The following SNX25 variants were observed in gnomAD, a reference collection of about 807,000 sequenced individuals.
The protein encoded by SNX25 is sorting nexin-25.
In SNX25, 62 loss-of-function variants were observed where a neutral mutation model predicts 113.7. That is an observed-to-expected ratio of 0.55 (90% confidence interval 0.44 to 0.67). SNX25 has a LOEUF of 0.67. Ranked by LOEUF, SNX25 falls within the 30% of genes least tolerant of loss-of-function variation. The pLI is 0.00. For missense variants in SNX25, 1,014 were observed against 1,161.0 expected (o/e 0.87, Z 1.84); for synonymous variants, 421 against 436.2 (o/e 0.97, Z 0.43).
chr4:185,374,847 C>G (rs2095427783), downstream of SNX25, among the ~76,000 whole-genome samples: 1 of 152,166 alleles, frequency 6.6e-6, no homozygotes, highest in African/African-American at 2.4e-5. Flanking sequence ...ACAGCTTTCA[C>G]ATTTATAATT....
chr4:185,214,394 C>CAAAA, intron 1 of SNX25, among the ~76,000 whole-genome samples: 1 of 122,338 alleles, frequency 8.2e-6, no homozygotes, highest in Non-Finnish European at 1.7e-5. Flanking sequence ...CCATCTCTAC[C>CAAAA]AAAAAAAAAA....
chr4:185,282,024 TAAATAA>T lies in SNX25; in HGVS notation c.1092-5977_1092-5972del, dbSNP rs1750658724. On this transcript the variant is annotated intron_variant, in intron 5 of 18. Transcript: ENST00000652585. ...GAGCGAGACTCCATCTCAAAATAAA[TAAATAA>T]AAATAAAAATTCTTTGGTTTTTCAT... Among the ~76,000 whole-genome samples the T allele has an allele frequency of 3.3e-5, 5 of 151,974 alleles. No individual in the cohort carries two copies. In the South Asian group the frequency reaches 1.0e-3, roughly 32 times the overall value.
rs138135304 is a variant in SNX25 at position 185,318,899 on chromosome 4, C to T, written c.1345-1834C>T. ...CAGGAAGCTGTCTTTCCTTTTGTTC[C>T]TCAGCAGAAGCTACAGATAGAAGGT... On this transcript the variant is annotated intron_variant, in intron 7 of 18. Coordinates refer to ENST00000652585, the MANE Select transcript of SNX25 (RefSeq NM_001378034.2). Among the ~76,000 whole-genome samples, 1,266 of 152,180 alleles carry T rather than the reference C, an allele frequency of 8.3e-3. 14 individuals carry two copies. The highest frequency in any genetic ancestry group is 0.029 in the African/African-American group (1,204 of 41,510).
chr4:185,308,646 A>C (rs1754821076), intron 6 of SNX25, among the ~76,000 whole-genome samples: 1 of 152,214 alleles, frequency 6.6e-6, no homozygotes, highest in South Asian at 2.1e-4. Context: ...CTTTGCTGCC[A>C]GGCACTGTTG....
chr4:185,292,399 T>A (rs921883667), intron 6 of SNX25, among the ~76,000 whole-genome samples: 1 of 152,018 alleles, frequency 6.6e-6, no homozygotes, highest in South Asian at 2.1e-4. Context: ...TTTATTTGTT[T>A]GTTTGTTTGT....
intron 5 of SNX25, among the ~76,000 whole-genome samples, chr4:185,282,024 T>C (rs543075275): frequency 6.6e-6 from 1 of 152,088 alleles, no homozygotes; most frequent in South Asian, 2.1e-4. Flanking sequence ...TCAAAATAAA[T>C]AAATAAAAAT....
At chr4:185,241,511 A>AGAGGGAGAGGGAAAG (rs1744013235) in intron 1 of SNX25, among the ~76,000 whole-genome samples, 13 of 19,074 alleles carry the variant, frequency 6.8e-4, no homozygotes, top group African/African-American at 2.5e-3. Context: ...GACCGTGGGG[A>AGAGGGAGAGGGAAAG]GAGGGAGAGG....
chr4:185,240,382 G>A (rs1212353310), intron 1 of SNX25, among the ~76,000 whole-genome samples: 2 of 150,062 alleles, frequency 1.3e-5, no homozygotes, highest in African/African-American at 4.9e-5. Context: ...CGGGGCGGCT[G>A]GCCGGGCGGG....
chr4:185,283,420 G>A (rs1285476417), intron 5 of SNX25, among the ~76,000 whole-genome samples: 2 of 152,172 alleles, frequency 1.3e-5, no homozygotes, highest in Non-Finnish European at 2.9e-5. Context: ...CTGTTAAGGA[G>A]AAGGAGAAAT....
chr4:185,323,708 C>T lies in SNX25; in HGVS notation c.1657C>T (p.Pro553Ser). 6.2e-7 allele frequency: 1 copy of T among 1,613,518 alleles called. No individual in the cohort carries two copies. The highest frequency in any genetic ancestry group is 8.5e-7 in the Non-Finnish European group (1 of 1,179,730). ...TGAGACCCTAAAGGATAGGTATTAC[C>T]CTTCATTTATTGTCAGTGACCTGTA... ...VYETLKDRYY[P>S]SFIVSDLYEK... Residue 553 changes from proline (P) to serine (S), a missense_variant, in exon 9 of 19, where the codon CCT becomes TCT. Transcript: ENST00000652585.
chr4:185,248,896 A>G (rs1406735594), intron 2 of SNX25, among the ~76,000 whole-genome samples: 1 of 152,192 alleles, frequency 6.6e-6, no homozygotes, highest in Non-Finnish European at 1.5e-5. Flanking sequence ...CTTTATGGAA[A>G]TGGAACCATA....
At chr4:185,206,956 G>A (rs963221003), upstream of SNX25, among the ~76,000 whole-genome samples, 5 of 152,088 alleles carry the variant, frequency 3.3e-5, no homozygotes, top group African/African-American at 1.2e-4. Flanking sequence ...GAGTCTCAAC[G>A]CCAGAGCCTG....
intron 6 of SNX25, among the ~76,000 whole-genome samples, chr4:185,293,870 C>T (rs746113157): frequency 9.2e-5 from 14 of 152,034 alleles, no homozygotes; most frequent in East Asian, 7.7e-4. Flanking sequence ...AAAACACGAT[C>T]GTTTATAAAC....
At chr4:185,274,858 A>G (rs1749434856) in intron 5 of SNX25, among the ~76,000 whole-genome samples, 1 of 152,192 alleles carries the variant, frequency 6.6e-6, no homozygotes, top group African/African-American at 2.4e-5. Flanking sequence ...CCAGGATCCC[A>G]TAGATAATAA....
intron 2 of SNX25, among the ~76,000 whole-genome samples, chr4:185,249,482 T>G (rs2126492337): frequency 6.7e-6 from 1 of 149,296 alleles, no homozygotes; most frequent in Admixed American, 6.7e-5. Flanking sequence ...TTATTTATAG[T>G]TTTTAAAATA....
At chr4:185,312,084 C>G (rs551847831) in intron 7 of SNX25, among the ~76,000 whole-genome samples, 1 of 152,138 alleles carries the variant, frequency 6.6e-6, no homozygotes, top group African/African-American at 2.4e-5. Context: ...TCCTCATTAG[C>G]TTTTTGGTTT....
intron 5 of SNX25, among the ~76,000 whole-genome samples, chr4:185,279,100 A>C (rs1750180551): frequency 6.6e-6 from 1 of 151,514 alleles, no homozygotes; most frequent in Non-Finnish European, 1.5e-5. Flanking sequence ...ATTTATACTT[A>C]ATATATTTCC....
rs530630573 is a variant in SNX25 at position 185,362,523 on chromosome 4, G to A, written c.2834-88G>A. ...TGCCTCCATGTGTTTATTGACTGAA[G>A]GTGTATAATGTTGTATTCCTTTCAC... On this transcript the variant is annotated intron_variant, in intron 17 of 18. Coordinates refer to ENST00000652585, the MANE Select transcript of SNX25 (RefSeq NM_001378034.2). The A allele has an allele frequency of 8.3e-5, 107 of 1,283,414 alleles. No individual in the cohort carries two copies. In the East Asian group the frequency reaches 2.4e-3, roughly 28 times the overall value. 79.5% of individuals were successfully genotyped at this position (1,283,414 alleles called of 1,614,324 possible).
rs146663912 is a variant in SNX25, at chr4:185,315,887, T to C, written c.1345-4846T>C. The stretch of plus-strand genomic sequence containing the variant: ...CTTAGTATAATCATTGTCTACTTCA[T>C]TTCTTTGCAATGCTATTATTAAGGC... On this transcript the variant is annotated intron_variant, in intron 7 of 18. Transcript: ENST00000652585. Among the ~76,000 whole-genome samples the C allele has an allele frequency of 7.7e-3, 1,172 of 152,364 alleles. 8 individuals are homozygous for C. Among genetic ancestry groups the C allele is most frequent in the Non-Finnish European group, 0.012 (830 of 68,036 alleles).
Sources: gnomAD v4.1 joint callset for allele counts (sites outside exome capture counted in the v4.1 genomes callset) on GRCh38, gnomAD v4.1.1 for gene constraint, MANE v1.5 for transcripts, NCBI Gene and HGNC (gene_info 2026-07-23, HGNC 2026-07-21) for gene names.